The following DERA variants were observed in gnomAD, a reference collection of about 807,000 sequenced individuals.
DERA encodes deoxyribose-phosphate aldolase.
Under a neutral mutation model 41.1 loss-of-function variants are expected in DERA, and 15 were observed. That is an observed-to-expected ratio of 0.37 (90% CI 0.24 to 0.56). The LOEUF is 0.56. DERA is among the 20% of genes least tolerant of loss of function. DERA has a pLI of 0.81. For missense variants in DERA, 396 were observed against 403.4 expected (o/e 0.98, Z 0.16); for synonymous variants, 139 against 137.4 (o/e 1.01, Z -0.08).
At chr12:15,961,827 T>G (rs1405823006) in intron 4 of DERA, among the ~76,000 whole-genome samples, 1 of 152,226 alleles carries the variant, frequency 6.6e-6, no homozygotes, top group African/African-American at 2.4e-5. Flanking sequence ...CACTGCAGCC[T>G]CCGCCTCCTG....
In DERA at chr12:15,940,445, G is replaced by A. The variant is rs1203098628; in HGVS notation, c.32-16491G>A. On this transcript the variant is annotated intron_variant, in intron 1 of 8. Coordinates refer to ENST00000428559, the MANE Select transcript of DERA (RefSeq NM_015954.4). The surrounding 1 kb of genome is among the most constrained non-coding windows in gnomAD (Gnocchi z 5.1). ...TGGCTCACTGCAACCTCCACCTCCC[G>A]GGTTCAAACGATTCTTCTGCCTCAG... 5.3e-5 allele frequency among the ~76,000 whole-genome samples: 8 copies of A among 152,038 alleles called. No homozygotes were observed. The highest frequency in any genetic ancestry group is 2.0e-4 in the Admixed American group (3 of 15,258).
chr12:16,008,330 G>T lies in DERA; in HGVS notation c.638-24212G>T, dbSNP rs1948926478. ...CTAATAGCTTTCTCAAATCTCTCCTGCCTTGGTCCTTTCCTTCCACATTTT... is the reference window on the plus strand; with the variant it reads ...CTAATAGCTTTCTCAAATCTCTCCTTCCTTGGTCCTTTCCTTCCACATTTT... On this transcript the variant is annotated intron_variant, in intron 6 of 8. Coordinates refer to ENST00000428559, the MANE Select transcript of DERA (RefSeq NM_015954.4). The surrounding 1 kb of genome is among the most constrained non-coding windows in gnomAD (Gnocchi z 4.8). Among the ~76,000 whole-genome samples, 1 of 152,182 alleles carries T rather than the reference G, an allele frequency of 6.6e-6. No homozygotes were observed. The highest frequency in any genetic ancestry group is 2.1e-4 in the South Asian group (1 of 4,832).
Position 15,936,926 on chromosome 12 carries a change from CTGT to C in DERA, c.32-20009_32-20007del, listed in dbSNP as rs1565588707. On this transcript the variant is annotated intron_variant, in intron 1 of 8. Coordinates refer to ENST00000428559, the MANE Select transcript of DERA (RefSeq NM_015954.4). This position sits in a 1 kb window ranked among gnomAD's most constrained non-coding sequence, Gnocchi z 4.6. ...CTGTCCTGTCCTGTCCTGTCCTGTC[CTGT>C]CCTGTCTTGTCCTGTCCCGTCCTGT... Among the ~76,000 whole-genome samples, 1,407 of 137,748 alleles carry C rather than the reference CTGT, an allele frequency of 0.01. 17 individuals carry two copies. The highest frequency in any genetic ancestry group is 0.027 in the East Asian group (136 of 5,078). 90.4% of individuals were successfully genotyped at this position (137,748 alleles called of 152,430 possible). A position where few individuals can be genotyped will look rare whatever the true frequency, so the allele number is the denominator to read the frequency against.
In DERA at chr12:15,943,591, G is replaced by A. The variant is rs1948423783; in HGVS notation, c.32-13345G>A. Among the ~76,000 whole-genome samples, 1 of 152,072 alleles carries A rather than the reference G, an allele frequency of 6.6e-6. No individual in the cohort carries two copies. The highest frequency in any genetic ancestry group is 2.4e-5 in the African/African-American group (1 of 41,396). On this transcript the variant is annotated intron_variant, in intron 1 of 8. Transcript: ENST00000428559. The surrounding 1 kb of genome is among the most constrained non-coding windows in gnomAD (Gnocchi z 4.5). ...TATTTTATATTGCCACACAGTACAT[G>A]CCACACAGTACACACGGGTTTGAAA...
rs1948526692 is a variant in DERA, at chr12:15,954,972, A to G, written c.32-1964A>G. On this transcript the variant is annotated intron_variant, in intron 1 of 8. Transcript: ENST00000428559. This position sits in a 1 kb window ranked among gnomAD's most constrained non-coding sequence, Gnocchi z 4.0. ...TGAAACAGTCTTTACCATGAACCAA[A>G]TCAGCATTATCAATCATCTGAGGAG... Among the ~76,000 whole-genome samples the G allele has an allele frequency of 6.6e-6, 1 of 151,680 alleles. No homozygotes were observed.
Position 15,943,745 on chromosome 12 carries a change from A to G in DERA, c.32-13191A>G, listed in dbSNP as rs1040465392. 4.4e-5 allele frequency among the ~76,000 whole-genome samples: 6 copies of G among 135,390 alleles called. No individual in the cohort carries two copies. Among genetic ancestry groups the G allele is most frequent in the Non-Finnish European group, 6.4e-5 (4 of 62,170 alleles). The allele number at this position is 135,390 out of a possible 152,430, so 88.8% of individuals were successfully genotyped here. On this transcript the variant is annotated intron_variant, in intron 1 of 8. Transcript: ENST00000428559. This position sits in a 1 kb window ranked among gnomAD's most constrained non-coding sequence, Gnocchi z 4.5. Reference sequence around the variant, plus strand: ...TATTTATTTATTTATTTATTTTATTATACTTTAAGTTCTAGGATACATATG... The same window carrying G: ...TATTTATTTATTTATTTATTTTATTGTACTTTAAGTTCTAGGATACATATG...
chr12:15,921,625 A>G lies in DERA; in HGVS notation c.31+10211A>G, dbSNP rs936257395. Among the ~76,000 whole-genome samples the G allele has an allele frequency of 6.6e-6, 1 of 152,088 alleles. No homozygotes were observed. Among genetic ancestry groups the G allele is most frequent in the Non-Finnish European group, 1.5e-5 (1 of 68,016 alleles). On this transcript the variant is annotated intron_variant, in intron 1 of 8. Coordinates refer to ENST00000428559, the MANE Select transcript of DERA (RefSeq NM_015954.4). The surrounding 1 kb of genome is among the most constrained non-coding windows in gnomAD (Gnocchi z 5.3). The stretch of plus-strand genomic sequence containing the variant: ...GTAGCAAGAAACTTAAGTGCTTCTA[A>G]TAATTTTCCAAAGAGGCCAGGCATG...
intron 4 of DERA, among the ~76,000 whole-genome samples, chr12:15,962,524 A>G (rs566530258): frequency 1.3e-5 from 2 of 152,342 alleles, no homozygotes; most frequent in East Asian, 3.9e-4. Flanking sequence ...TTTGCTGGTT[A>G]CTTAATCCAC....
rs796578308 is a variant in DERA, at chr12:16,014,946, C to G, written c.638-17596C>G. ...TGTAGCTTTAAGATTTGACTGCCCTCCTGGATTTCAGACTTGCATGGGGCC... is the reference window on the plus strand; with the variant it reads ...TGTAGCTTTAAGATTTGACTGCCCTGCTGGATTTCAGACTTGCATGGGGCC... On this transcript the variant is annotated intron_variant, in intron 6 of 8. Transcript: ENST00000428559. This position sits in a 1 kb window ranked among gnomAD's most constrained non-coding sequence, Gnocchi z 5.4. Among the ~76,000 whole-genome samples the G allele has an allele frequency of 2.6e-5, 4 of 152,282 alleles. 1 individual carries two copies. The highest frequency in any genetic ancestry group is 9.6e-5 in the African/African-American group (4 of 41,562).
Position 16,017,440 on chromosome 12 carries a change from A to C in DERA, c.638-15102A>C, listed in dbSNP as rs1225696460. On this transcript the variant is annotated intron_variant, in intron 6 of 8. Transcript: ENST00000428559. The surrounding 1 kb of genome is among the most constrained non-coding windows in gnomAD (Gnocchi z 5.5). ...TGCTTTTCTTTCTCTCTTTCTCTTT[A>C]CCCCCTTTCTCACATGGGTAGCTAA... Among the ~76,000 whole-genome samples, 1 of 151,704 alleles carries C rather than the reference A, an allele frequency of 6.6e-6. No individual in the cohort carries two copies.
intron 1 of DERA, among the ~76,000 whole-genome samples, chr12:15,944,296 G>T (rs1041413311): frequency 6.6e-6 from 1 of 152,128 alleles, no homozygotes; most frequent in African/African-American, 2.4e-5. Context: ...TCCTTGAGGA[G>T]TCGCCACACT....
intron 4 of DERA, among the ~76,000 whole-genome samples, chr12:15,960,739 A>AGT (rs1351403636): frequency 6.6e-6 from 1 of 151,948 alleles, no homozygotes; most frequent in East Asian, 1.9e-4. Flanking sequence ...GTGACACCAA[A>AGT]GTAAGAGAAA....
intron 6 of DERA, among the ~76,000 whole-genome samples, chr12:16,027,351 C>T (rs1265865430): frequency 1.3e-5 from 2 of 152,160 alleles, no homozygotes; most frequent in Non-Finnish European, 2.9e-5. Context: ...AAAGATGACT[C>T]CTGAAGATAG....
At chr12:15,914,698 GCTCTGT>G (rs1565581645) in intron 1 of DERA, among the ~76,000 whole-genome samples, 2 of 152,180 alleles carry the variant, frequency 1.3e-5, no homozygotes, top group Non-Finnish European at 2.9e-5. Flanking sequence ...GGATCTCCCT[GCTCTGT>G]CTCTGTGTGT....
At chr12:16,031,018 G>A (rs1949088957) in intron 6 of DERA, among the ~76,000 whole-genome samples, 2 of 152,192 alleles carry the variant, frequency 1.3e-5, no homozygotes, top group South Asian at 2.1e-4. Context: ...ATTTCTCTTT[G>A]TATAATAATT....
In DERA at chr12:16,012,290, G is replaced by A. The variant is rs754786492; in HGVS notation, c.638-20252G>A. On this transcript the variant is annotated intron_variant, in intron 6 of 8. Transcript: ENST00000428559. The surrounding 1 kb of genome is among the most constrained non-coding windows in gnomAD (Gnocchi z 4.1). ...TATTTGAAAACTGAAAGCAAAGCCA[G>A]TTCCAGAACAGGATTAAGGGGCCAG... Among the ~76,000 whole-genome samples the A allele has an allele frequency of 1.1e-4, 16 of 152,332 alleles. No homozygotes were observed. The highest frequency in any genetic ancestry group is 1.8e-4 in the Non-Finnish European group (12 of 68,026).
rs990341699 is a variant in DERA, at chr12:16,032,416, TAA to T, written c.638-125_638-124del. On this transcript the variant is annotated intron_variant, in intron 6 of 8. Coordinates refer to ENST00000428559, the MANE Select transcript of DERA (RefSeq NM_015954.4). ...GAGATTTTGGTTTTAGTTTTTCCAATAATTAATGAAAAATAACATTGGGTTTC... is the reference window on the plus strand; with the variant it reads ...GAGATTTTGGTTTTAGTTTTTCCAATTTAATGAAAAATAACATTGGGTTTC... 5.2e-5 allele frequency: 31 copies of T among 601,610 alleles called. No homozygotes were observed. In the African/African-American group the frequency reaches 5.2e-4, roughly 10 times the overall value. The allele number at this position is 601,610 out of a possible 1,614,324, so 37.3% of individuals were successfully genotyped here. A position where few individuals can be genotyped will look rare whatever the true frequency, so the allele number is the denominator to read the frequency against.
Position 15,935,159 on chromosome 12 carries a change from T to C in DERA, c.32-21777T>C, listed in dbSNP as rs1431323876. Among the ~76,000 whole-genome samples the C allele has an allele frequency of 1.3e-5, 2 of 152,208 alleles. No homozygotes were observed. The highest frequency in any genetic ancestry group is 2.9e-5 in the Non-Finnish European group (2 of 68,028). ...ATAAATTGAGCTGAATTTAAATACATGGACATCCATTGCTATGATATTTTA... is the reference window on the plus strand; with the variant it reads ...ATAAATTGAGCTGAATTTAAATACACGGACATCCATTGCTATGATATTTTA... On this transcript the variant is annotated intron_variant, in intron 1 of 8. Transcript: ENST00000428559. This position sits in a 1 kb window ranked among gnomAD's most constrained non-coding sequence, Gnocchi z 4.8.
chr12:15,914,784 AT>A (rs1176210436), intron 1 of DERA, among the ~76,000 whole-genome samples: 2 of 151,656 alleles, frequency 1.3e-5, no homozygotes, highest in Non-Finnish European at 2.9e-5. Context: ...GGGATTTTGT[AT>A]TTTTTTTCGA....
Sources: gnomAD v4.1 joint callset for allele counts (sites outside exome capture counted in the v4.1 genomes callset) on GRCh38, gnomAD v4.1.1 for gene constraint, Gnocchi (gnomAD v3.1) non-coding constraint, MANE v1.5 for transcripts, NCBI Gene and HGNC (gene_info 2026-07-23, HGNC 2026-07-21) for gene names.